Variants in COL19A1 observed in about 807,000 individuals in gnomAD.
COL19A1 encodes collagen alpha-1(XIX) chain.
Under a neutral mutation model 190.2 loss-of-function variants are expected in COL19A1, and 159 were observed. The ratio of observed to expected loss-of-function variants is 0.84; its 90% CI spans 0.73 to 0.95. The LOEUF (loss-of-function observed/expected upper bound fraction) is 0.95. Among genes scored for constraint, COL19A1 ranks in the 40% least tolerant of loss-of-function variants. The pLI is 0.00. For missense variants in COL19A1, 1,418 were observed against 1,431.9 expected (o/e 0.99, Z 0.16); for synonymous variants, 509 against 458.9 (o/e 1.11, Z -1.39).
chr6:70,114,808 C>T (rs1181871977), intron 16 of COL19A1, among the ~76,000 whole-genome samples: 1 of 152,172 alleles, frequency 6.6e-6, no homozygotes, highest in Admixed American at 6.6e-5. Context: ...TATACATATT[C>T]ATCATCTGGA....
At chr6:70,118,310 G>C (rs916794881) in intron 16 of COL19A1, among the ~76,000 whole-genome samples, 1 of 152,172 alleles carries the variant, frequency 6.6e-6, no homozygotes, top group African/African-American at 2.4e-5. Flanking sequence ...AGTTGCTTTT[G>C]CAATTTAAAT....
intron 12 of COL19A1, among the ~76,000 whole-genome samples, chr6:70,033,193 G>T (rs1418738318): frequency 1.3e-5 from 2 of 152,054 alleles, no homozygotes; most frequent in Admixed American, 1.3e-4. Context: ...CACACTGTCT[G>T]CAACAGGATT....
At position 70,207,681 on chromosome 6, in the gene COL19A1, C is replaced by T. The variant is rs1343598945; in HGVS notation, c.*407C>T. On this transcript the variant is annotated 3_prime_UTR_variant, in exon 51 of 51. Coordinates refer to ENST00000620364, the MANE Select transcript of COL19A1 (RefSeq NM_001858.6). ...TTTAAAGTTTCAGACTTATCTTTTC[C>T]TTGGTGTTTAAATTTACTATCATTG... is the stretch of plus-strand genomic sequence containing the variant. The T allele has an allele frequency of 6.5e-6, 1 of 152,864 alleles. No individual in the cohort carries two copies. The highest frequency in any genetic ancestry group is 1.5e-5 in the Non-Finnish European group (1 of 68,630). 9.5% of individuals were successfully genotyped at this position (152,864 alleles called of 1,614,324 possible). A position where few individuals can be genotyped will look rare whatever the true frequency, so the allele number is the denominator to read the frequency against.
chr6:70,195,364 G>A (rs948660237), intron 48 of COL19A1, among the ~76,000 whole-genome samples: 3 of 152,006 alleles, frequency 2.0e-5, no homozygotes, highest in African/African-American at 2.4e-5. Context: ...TGCCAACCTC[G>A]AGTTTCACTT....
In COL19A1 at chr6:69,960,018, C is replaced by G. The variant is rs1774675242; in HGVS notation, c.959C>G (p.Ala320Gly). The G allele has an allele frequency of 2.5e-6, 4 of 1,613,382 alleles. No individual in the cohort carries two copies. The highest frequency in any genetic ancestry group is 2.7e-5 in the African/African-American group (2 of 74,902). ...TAGGGTGAAAATGGTTTACATGGTG[C>G]TCCAGGATTCCCTGGTCAAAAGGTA... ...GEPGENGLHG[A>G]PGFPGQKGEQ... The change falls in exon 10 of 51, where the codon GCT becomes GGT. Residue 320 changes from alanine to glycine, a missense_variant. By Grantham distance (60) the Ala-to-Gly change is moderately conservative (BLOSUM62 0). Transcript: ENST00000620364.
intron 44 of COL19A1, among the ~76,000 whole-genome samples, chr6:70,180,904 A>T (rs1766133898): frequency 6.6e-6 from 1 of 152,186 alleles, no homozygotes. Flanking sequence ...AGTAGAAGTT[A>T]TTTTCTCAAA....
intron 11 of COL19A1, among the ~76,000 whole-genome samples, chr6:69,974,873 A>G (rs531845504): frequency 8.9e-5 from 11 of 122,998 alleles, no homozygotes; most frequent in African/African-American, 3.6e-4. Context: ...AGTGCAGTGG[A>G]GCGATCTAGG....
intron 48 of COL19A1, among the ~76,000 whole-genome samples, chr6:70,194,117 C>G (rs576660412): frequency 6.6e-6 from 1 of 152,354 alleles, no homozygotes; most frequent in South Asian, 2.1e-4. Flanking sequence ...CGCATCCCTG[C>G]ACATCTGCAG....
In COL19A1 at chr6:69,878,919, A is replaced by G. The variant is rs576965046; in HGVS notation, c.-32-617A>G. On this transcript the variant is annotated intron_variant, in intron 1 of 50. Coordinates refer to ENST00000620364, the MANE Select transcript of COL19A1 (RefSeq NM_001858.6). ...ATGTACAAAATGATGAACCTTTAGG[A>G]CATATGTTAAGTGAAATAAAGTCAT... Among the ~76,000 whole-genome samples, 12 of 152,316 alleles carry G rather than the reference A, an allele frequency of 7.9e-5. No homozygotes were observed. In the East Asian group the frequency reaches 2.3e-3, roughly 29 times the overall value.
At chr6:69,993,927 TG>T (rs1562068939) in intron 11 of COL19A1, among the ~76,000 whole-genome samples, 2 of 151,660 alleles carry the variant, frequency 1.3e-5, no homozygotes, top group African/African-American at 2.4e-5. Flanking sequence ...ATCTTTTGTA[TG>T]TTTTTTTTTG....
intron 14 of COL19A1, among the ~76,000 whole-genome samples, chr6:70,066,519 G>C (rs1468859737): frequency 6.6e-6 from 1 of 151,990 alleles, no homozygotes; most frequent in African/African-American, 2.4e-5. Flanking sequence ...AATGGGTGCA[G>C]CACACCAACA....
intron 11 of COL19A1, among the ~76,000 whole-genome samples, chr6:69,975,178 A>G (rs1775647735): frequency 2.0e-5 from 3 of 152,122 alleles, no homozygotes; most frequent in Admixed American, 6.5e-5. Context: ...TCATGTAAGT[A>G]TCTCAGTTTT....
At chr6:70,128,976 G>C (rs758330580) in intron 17 of COL19A1, among the ~76,000 whole-genome samples, 1 of 152,156 alleles carries the variant, frequency 6.6e-6, no homozygotes, top group Non-Finnish European at 1.5e-5. Context: ...TGAGAAAGAC[G>C]TTCCCAGATT....
intron 11 of COL19A1, among the ~76,000 whole-genome samples, chr6:69,973,499 G>A (rs1362011280): frequency 2.0e-5 from 3 of 151,980 alleles, no homozygotes; most frequent in Admixed American, 6.6e-5. Context: ...CCCTCACCAC[G>A]ACTGACCCTG....
intron 30 of COL19A1, among the ~76,000 whole-genome samples, chr6:70,150,882 C>T (rs1787015579): frequency 6.6e-6 from 1 of 152,108 alleles, no homozygotes; most frequent in African/African-American, 2.4e-5. Context: ...AGACGTGTGG[C>T]CAAAAGGTAG....
At chr6:70,071,757 G>A (rs1781570809) in intron 15 of COL19A1, among the ~76,000 whole-genome samples, 1 of 151,982 alleles carries the variant, frequency 6.6e-6, no homozygotes, top group South Asian at 2.1e-4. Context: ...GGGGTTGGGG[G>A]CCTTCCTGGA....
At chr6:70,031,955 C>T (rs1019653998) in intron 12 of COL19A1, among the ~76,000 whole-genome samples, 2 of 152,120 alleles carry the variant, frequency 1.3e-5, no homozygotes, top group Non-Finnish European at 2.9e-5. Flanking sequence ...TTTTAAAAAG[C>T]GATAAGGAAG....
At chr6:70,148,559 T>C (rs1786824181) in intron 27 of COL19A1, among the ~76,000 whole-genome samples, 1 of 152,166 alleles carries the variant, frequency 6.6e-6, no homozygotes, top group African/African-American at 2.4e-5. Flanking sequence ...GAATGAGGGT[T>C]GTCTGATTTG....
chr6:69,934,660 GAGTT>G (rs1239707082), intron 7 of COL19A1, among the ~76,000 whole-genome samples: 1 of 151,882 alleles, frequency 6.6e-6, no homozygotes, highest in African/African-American at 2.4e-5. Context: ...GATTATTTGG[GAGTT>G]AGTTTTAAAG....
Sources: gnomAD v4.1 joint callset for allele counts (sites outside exome capture counted in the v4.1 genomes callset) on GRCh38, gnomAD v4.1.1 for gene constraint, MANE v1.5 for transcripts, NCBI Gene and HGNC (gene_info 2026-07-23, HGNC 2026-07-21) for gene names.